CHD1: variants seen among roughly 807,000 people sequenced by gnomAD.
CHD1 encodes ATP-dependent chromatin remodeler CHD1.
Under a neutral mutation model 224.2 loss-of-function variants are expected in CHD1, and 36 were observed. That is an observed-to-expected ratio of 0.16 (90% CI 0.12 to 0.21). The LOEUF is 0.21. Ranked by LOEUF, CHD1 falls within the 10% of genes least tolerant of loss-of-function variation. The pLI is 1.00. For missense variants in CHD1, 1,378 were observed against 1,994.8 expected, an observed-to-expected ratio of 0.69 and a Z score of 5.89; for synonymous variants, 668 against 658.3, an observed-to-expected ratio of 1.01 and a Z score of -0.23.
intron 2 of CHD1, among the ~76,000 whole-genome samples, chr5:98,910,356 TACTC>T (rs1752311912): frequency 6.6e-6 from 1 of 152,326 alleles, no homozygotes; most frequent in East Asian, 1.9e-4. Context: ...TTTTCAGGAA[TACTC>T]ACTTCTACAG....
chr5:98,924,160 G>C (rs543412648), intron 2 of CHD1, among the ~76,000 whole-genome samples: 2 of 152,112 alleles, frequency 1.3e-5, no homozygotes, highest in Non-Finnish European at 2.9e-5. Context: ...TGGGAGAATC[G>C]TTTGAGCCCA....
At chr5:98,889,014 T>C (rs1561514091) in intron 16 of CHD1, 62 bp downstream of exon 16, 1 of 1,194,892 alleles carries the variant, frequency 8.4e-7, no homozygotes, top group Non-Finnish European at 1.2e-6. Flanking sequence ...CATTTTCGAT[T>C]GTAAGTGAAA....
intron 2 of CHD1, among the ~76,000 whole-genome samples, chr5:98,914,887 A>C (rs76861004): frequency 1.3e-5 from 2 of 152,032 alleles, no homozygotes; most frequent in East Asian, 1.9e-4. Context: ...TTATACATAT[A>C]TCTCTCCTAA....
chr5:98,921,897 AT>A (rs1339114951), intron 2 of CHD1, among the ~76,000 whole-genome samples: 2 of 152,210 alleles, frequency 1.3e-5, no homozygotes, highest in African/African-American at 4.8e-5. Context: ...CATGCCTGTA[AT>A]CCCAGCACTT....
At chr5:98,871,167 T>G (rs1000736210) in intron 28 of CHD1, among the ~76,000 whole-genome samples, 1 of 151,848 alleles carries the variant, frequency 6.6e-6, no homozygotes, top group Non-Finnish European at 1.5e-5. Context: ...TTATATATAA[T>G]GTACACAGAA....
intron 33 of CHD1, among the ~76,000 whole-genome samples, chr5:98,859,405 G>C (rs982519299): frequency 6.6e-6 from 1 of 152,036 alleles, no homozygotes; most frequent in African/African-American, 2.4e-5. Flanking sequence ...TTCCACTAAT[G>C]TTCTTTATCT....
chr5:98,882,640 G>A (rs1750278092), intron 19 of CHD1, among the ~76,000 whole-genome samples: 1 of 151,988 alleles, frequency 6.6e-6, no homozygotes, highest in Non-Finnish European at 1.5e-5. Context: ...ATTTCTCTAG[G>A]TAAAGGTTCA....
intron 19 of CHD1, among the ~76,000 whole-genome samples, chr5:98,882,347 G>A (rs1750252160): frequency 6.7e-6 from 1 of 149,346 alleles, no homozygotes; most frequent in African/African-American, 2.5e-5. Flanking sequence ...TTTTGATAAG[G>A]AGATTGCATT....
rs751644313 is a variant in CHD1, at chr5:98,869,814, C to T, written c.4047G>A (p.Glu1349=). The T allele has an allele frequency of 6.2e-7, 1 of 1,611,892 alleles. No homozygotes were observed. The highest frequency in any genetic ancestry group is 1.1e-5 in the South Asian group (1 of 91,000). Reference sequence around the variant, plus strand: ...GAGGAGAAGAATCACTCTTTATTTCCTCTTTCACTTTTATAGACTTCATTG... The same window carrying T: ...GAGGAGAAGAATCACTCTTTATTTCTTCTTTCACTTTTATAGACTTCATTG... ...NKAMKSIKVK[E]EIKSDSSPLP... The change falls in exon 30 of 36, where the codon GAG becomes GAA. Residue 1349 remains glutamate, a synonymous_variant. Transcript: ENST00000614616.
In CHD1 at chr5:98,903,812, A is replaced by G. The variant is rs776852433; in HGVS notation, c.352T>C (p.Ser118Pro). The change falls in exon 4 of 36, where the codon TCT (serine) becomes CCT (proline). Residue 118 changes from serine to proline, a missense_variant. Coordinates refer to ENST00000614616, the MANE Select transcript of CHD1 (RefSeq NM_001270.4). ...TGCACCTCTTCTGATCCGCTATTAG[A>G]TGAGGCTTGATGTTGTTGTTGCTGC... ...QQQQQQHQAS[S>P]NSGSEEDSSS... The G allele has an allele frequency of 2.5e-6, 4 of 1,613,390 alleles. No individual in the cohort carries two copies. The highest frequency in any genetic ancestry group is 1.7e-4 in the Middle Eastern group (1 of 6,060).
intron 22 of CHD1, 131 bp downstream of exon 22, chr5:98,880,943 AAG>A (rs1184382022): frequency 6.0e-6 from 4 of 665,654 alleles, no homozygotes; most frequent in African/African-American, 1.9e-5. Context: ...TTGTCTGAAC[AAG>A]AGAGAGTAGT....
intron 17 of CHD1, among the ~76,000 whole-genome samples, chr5:98,887,262 T>C (rs535236598): frequency 6.6e-6 from 1 of 152,312 alleles, no homozygotes; most frequent in African/African-American, 2.4e-5. Flanking sequence ...ACCAAATACC[T>C]GTCCTTCTTC....
intron 2 of CHD1, among the ~76,000 whole-genome samples, chr5:98,919,227 AC>A (rs1246944122): frequency 6.6e-6 from 1 of 152,222 alleles, no homozygotes; most frequent in African/African-American, 2.4e-5. Flanking sequence ...TTACTGGAGT[AC>A]AGAAAAAATG....
At chr5:98,881,043 TG>T in intron 22 of CHD1, 32 bp downstream of exon 22, 4 of 1,218,768 alleles carry the variant, frequency 3.3e-6, no homozygotes, top group East Asian at 2.3e-5. Flanking sequence ...TCTCAATTTA[TG>T]TAATTACAAG....
intron 24 of CHD1, among the ~76,000 whole-genome samples, 189 bp from the exon 25 acceptor site, chr5:98,875,302 A>G: frequency 6.6e-6 from 1 of 152,208 alleles, no homozygotes; most frequent in East Asian, 1.9e-4. Flanking sequence ...AGGTAAGACA[A>G]GGTAAATTAA....
intron 19 of CHD1, among the ~76,000 whole-genome samples, chr5:98,882,754 T>G (rs948721364): frequency 6.6e-6 from 1 of 152,146 alleles, no homozygotes; most frequent in Admixed American, 6.5e-5. Flanking sequence ...AACAGAAAGG[T>G]AGCATATGCT....
At chr5:98,876,681 TAAAC>T in intron 23 of CHD1, 123 bp from the exon 24 acceptor site, 1 of 780,642 alleles carries the variant, frequency 1.3e-6, no homozygotes, top group Non-Finnish European at 2.0e-6. Context: ...AAACATTCCA[TAAAC>T]AAAATTAAAG....
intron 17 of CHD1, 129 bp from the exon 18 acceptor site, chr5:98,885,778 C>A: frequency 1.6e-6 from 1 of 615,022 alleles, no homozygotes; most frequent in Non-Finnish European, 2.9e-6. Flanking sequence ...AAAGTACTTA[C>A]TAGACAGTAA....
intron 2 of CHD1, among the ~76,000 whole-genome samples, chr5:98,920,433 G>T (rs161747): frequency 0.26 from 39,924 of 152,082 alleles, 5,618 homozygotes; most frequent in African/African-American, 0.34. Context: ...TTTCCCATAT[G>T]ATGTGACTAG....
Sources: allele counts gnomAD v4.1 joint callset (sites outside exome capture counted in the v4.1 genomes callset), GRCh38; gene constraint gnomAD v4.1.1; transcripts MANE v1.5; gene names NCBI Gene and HGNC (gene_info 2026-07-23, HGNC 2026-07-21).